The following PTPRD variants were observed in gnomAD, a reference collection of about 807,000 sequenced individuals.
The protein encoded by PTPRD is receptor-type tyrosine-protein phosphatase delta.
A neutral mutation model predicts 214.5 loss-of-function variants in PTPRD; 34 were observed. That is an observed-to-expected ratio of 0.16 (90% CI 0.12 to 0.21). The LOEUF (loss-of-function observed/expected upper bound fraction) is 0.21, where lower values mean the gene tolerates loss of function less well. Among genes scored for constraint, PTPRD ranks in the 10% least tolerant of loss-of-function variants. The probability of loss-of-function intolerance (pLI) is 1.00; values close to 1 mark genes in which losing one functional copy is unlikely to be tolerated. For synonymous variants in PTPRD, 1,128 were observed against 845.7 expected, an observed-to-expected ratio of 1.33 and a Z score of -5.79; for missense variants, 2,545 against 2,398.7, an observed-to-expected ratio of 1.06 and a Z score of -1.27.
chr9:9,737,539 A>G (rs1425427074), intron 6 of PTPRD, among the ~76,000 whole-genome samples: 1 of 152,070 alleles, frequency 6.6e-6, no homozygotes, highest in Non-Finnish European at 1.5e-5. Flanking sequence ...ATAACTCCTA[A>G]TCTATTGTCT....
chr9:9,364,952 G>C (rs143741139), intron 9 of PTPRD, among the ~76,000 whole-genome samples: 2 of 151,508 alleles, frequency 1.3e-5, no homozygotes, highest in East Asian at 3.9e-4. Flanking sequence ...AAGGGTGTAG[G>C]ATAAGGTTAA....
intron 9 of PTPRD, among the ~76,000 whole-genome samples, chr9:9,289,105 A>C (rs1025899876): frequency 3.3e-5 from 5 of 151,884 alleles, no homozygotes; most frequent in Admixed American, 3.3e-4. Flanking sequence ...GAGTTTACTG[A>C]AAAACACATG....
At chr9:10,262,127 T>G (rs1017805548) in intron 3 of PTPRD, among the ~76,000 whole-genome samples, 1 of 152,056 alleles carries the variant, frequency 6.6e-6, no homozygotes, top group African/African-American at 2.4e-5. Flanking sequence ...CTGTAAGGAT[T>G]AAGACTGAAA....
chr9:9,840,064 G>A (rs2057905280), intron 5 of PTPRD, among the ~76,000 whole-genome samples: 1 of 152,010 alleles, frequency 6.6e-6, no homozygotes, highest in Non-Finnish European at 1.5e-5. Context: ...CTGAGACAGA[G>A]TCTCGCTCTG....
At chr9:8,704,261 C>G (rs569762110) in intron 12 of PTPRD, among the ~76,000 whole-genome samples, 1 of 152,052 alleles carries the variant, frequency 6.6e-6, no homozygotes, top group Non-Finnish European at 1.5e-5. Flanking sequence ...CCATCCTCTG[C>G]ATCTCCCTAC....
intron 2 of PTPRD, among the ~76,000 whole-genome samples, chr9:10,341,993 G>C (rs2096949259): frequency 6.6e-6 from 1 of 151,960 alleles, no homozygotes; most frequent in Non-Finnish European, 1.5e-5. Context: ...GTCAAATAAT[G>C]ATACTGCTGT....
intron 39 of PTPRD, among the ~76,000 whole-genome samples, chr9:8,359,107 CA>C (rs749802631): frequency 1.0e-4 from 1 of 9,848 alleles, no homozygotes. Flanking sequence ...GACTCCGTCT[CA>C]AAAAAAAAAA....
At chr9:9,475,796 G>C (rs2094984667) in intron 8 of PTPRD, among the ~76,000 whole-genome samples, 1 of 152,158 alleles carries the variant, frequency 6.6e-6, no homozygotes, top group Admixed American at 6.5e-5. Flanking sequence ...TCTTGTGTGT[G>C]ACTTGGCAAT....
intron 9 of PTPRD, among the ~76,000 whole-genome samples, chr9:9,219,228 C>T (rs769239885): frequency 4.6e-5 from 7 of 151,370 alleles, no homozygotes; most frequent in Non-Finnish European, 1.0e-4. Flanking sequence ...TTTAAAAACA[C>T]TGTCTGCAAA....
At chr9:9,836,697 T>C (rs907676603) in intron 5 of PTPRD, among the ~76,000 whole-genome samples, 4 of 152,148 alleles carry the variant, frequency 2.6e-5, no homozygotes, top group Admixed American at 1.3e-4. Context: ...GTAAACATCC[T>C]GGTTCCACTA....
intron 35 of PTPRD, among the ~76,000 whole-genome samples, chr9:8,435,469 G>A (rs545455505): frequency 7.9e-5 from 12 of 152,230 alleles, no homozygotes; most frequent in Admixed American, 3.9e-4. Context: ...TAGAAACCCC[G>A]ATGGTGAAAT....
intron 2 of PTPRD, among the ~76,000 whole-genome samples, chr9:10,419,333 C>A (rs2098524874): frequency 6.6e-6 from 1 of 151,842 alleles, no homozygotes; most frequent in Non-Finnish European, 1.5e-5. Flanking sequence ...CTGGTCGCTT[C>A]TCTCCTAACA....
chr9:9,955,436 T>A (rs1392132879), intron 4 of PTPRD, among the ~76,000 whole-genome samples: 1 of 152,198 alleles, frequency 6.6e-6, no homozygotes, highest in East Asian at 1.9e-4. Context: ...TACCGTTTGT[T>A]ATATATCAAT....
chr9:10,490,993 T>C (rs1041755722), intron 2 of PTPRD, among the ~76,000 whole-genome samples: 1 of 152,160 alleles, frequency 6.6e-6, no homozygotes, highest in Non-Finnish European at 1.5e-5. Flanking sequence ...TACACACATA[T>C]ACAAACATAT....
intron 27 of PTPRD, among the ~76,000 whole-genome samples, chr9:8,489,396 A>T (rs1259678734): frequency 6.6e-6 from 1 of 152,180 alleles, no homozygotes; most frequent in Non-Finnish European, 1.5e-5. Context: ...GGAGGATCTC[A>T]GTCTGCTCTC....
At chr9:9,747,140 G>A (rs1167800826) in intron 6 of PTPRD, among the ~76,000 whole-genome samples, 1 of 152,126 alleles carries the variant, frequency 6.6e-6, no homozygotes, top group African/African-American at 2.4e-5. Flanking sequence ...AAGAATACAA[G>A]TTTTTCAAAG....
chr9:8,973,343 G>C (rs1350837894), intron 11 of PTPRD, among the ~76,000 whole-genome samples: 1 of 151,916 alleles, frequency 6.6e-6, no homozygotes, highest in Non-Finnish European at 1.5e-5. Flanking sequence ...CCATTAATTT[G>C]CTTAGGATAA....
intron 2 of PTPRD, among the ~76,000 whole-genome samples, chr9:10,349,642 A>C (rs2097148925): frequency 6.6e-6 from 1 of 152,208 alleles, no homozygotes; most frequent in Admixed American, 6.5e-5. Context: ...AAAAAGTATA[A>C]AAAGGTCATT....
Position 9,357,734 on chromosome 9 carries a change from G to C in PTPRD, c.-203+39715C>G, listed in dbSNP as rs142119262. Among the ~76,000 whole-genome samples the C allele has an allele frequency of 2.4e-3, 363 of 150,798 alleles. 1 individual carries two copies. The highest frequency in any genetic ancestry group is 8.3e-3 in the African/African-American group (341 of 41,168). On this transcript the variant is annotated intron_variant, in intron 9 of 45. Coordinates refer to ENST00000381196, the MANE Select transcript of PTPRD (RefSeq NM_002839.4). ...TAAAATAAAAAAAAAAAATGACACA[G>C]TTAAGAGGGCAATAGTGCAGACTAT...
Sources: allele counts gnomAD v4.1 joint callset (sites outside exome capture counted in the v4.1 genomes callset), GRCh38; gene constraint gnomAD v4.1.1; transcripts MANE v1.5; gene names NCBI Gene and HGNC (gene_info 2026-07-23, HGNC 2026-07-21).